The following GPC5 variants were observed in gnomAD, a reference collection of about 807,000 sequenced individuals.
GPC5 encodes glypican-5.
A neutral mutation model predicts 53.9 loss-of-function variants in GPC5; 47 were observed. That is an observed-to-expected ratio of 0.87 (90% confidence interval 0.69 to 1.11). The LOEUF (loss-of-function observed/expected upper bound fraction) is 1.11, where lower values mean the gene tolerates loss of function less well. Among genes scored for constraint, GPC5 ranks in the 50% most tolerant of loss-of-function variants. The probability of loss-of-function intolerance (pLI) is 0.00; values close to 1 mark genes in which losing one functional copy is unlikely to be tolerated. For synonymous variants in GPC5, 286 were observed against 263.3 expected (o/e 1.09, Z -0.84); for missense variants, 748 against 713.1 (o/e 1.05, Z -0.56).
At chr13:92,602,164 A>G (rs558426338) in intron 7 of GPC5, among the ~76,000 whole-genome samples, 59 of 145,230 alleles carry the variant, frequency 4.1e-4, no homozygotes, top group African/African-American at 1.5e-3. Context: ...CACACTATAT[A>G]CAAATACACA....
At chr13:91,617,569 GACTCTTGACAAGCA>G (rs2033731942) in intron 2 of GPC5, among the ~76,000 whole-genome samples, 1 of 152,098 alleles carries the variant, frequency 6.6e-6, no homozygotes, top group Non-Finnish European at 1.5e-5. Flanking sequence ...TTCTCTAAAA[GACTCTTGACAAGCA>G]ACTCTTTGAT....
intron 4 of GPC5, among the ~76,000 whole-genome samples, chr13:91,735,896 A>G (rs908416760): frequency 6.6e-6 from 1 of 151,392 alleles, no homozygotes; most frequent in Non-Finnish European, 1.5e-5. Context: ...ATCCACATCT[A>G]GGAAAAATGG....
rs907579977 is a variant in GPC5 at position 92,319,366 on chromosome 13, G to A, written c.1561+174377G>A. Among the ~76,000 whole-genome samples the A allele has an allele frequency of 3.3e-5, 5 of 149,896 alleles. No homozygotes were observed. In the East Asian group the frequency reaches 5.9e-4, roughly 18 times the overall value. On this transcript the variant is annotated intron_variant, in intron 7 of 7. Transcript: ENST00000377067. ...AACTGTGAGCTTTGTTACAATTTGG[G>A]GCCAATGTATTTTTTTTTCCCCATG...
chr13:92,742,749 A>G lies in GPC5; in HGVS notation c.1562-123533A>G, dbSNP rs377056861. Among the ~76,000 whole-genome samples, 54 of 152,122 alleles carry G rather than the reference A, an allele frequency of 3.5e-4. No individual in the cohort carries two copies. The East Asian group carries it at 8.4e-3, about 24-fold the overall frequency. On this transcript the variant is annotated intron_variant, in intron 7 of 7. Coordinates refer to ENST00000377067, the MANE Select transcript of GPC5 (RefSeq NM_004466.6). ...TTAAGTCTTTAATCCATCTTGAATT[A>G]ATTTTTGTATAAGGTGTAAGGAAGG...
intron 5 of GPC5, among the ~76,000 whole-genome samples, chr13:91,899,976 G>T (rs1314350676): frequency 2.0e-5 from 3 of 152,064 alleles, no homozygotes; most frequent in Non-Finnish European, 4.4e-5. Context: ...TAATTCAGAA[G>T]TTCTTCTTGG....
rs150637215 is a variant in GPC5, at chr13:92,275,541, T to G, written c.1561+130552T>G. Among the ~76,000 whole-genome samples, 881 of 152,250 alleles carry G rather than the reference T, an allele frequency of 5.8e-3. 8 individuals carry two copies. The highest frequency in any genetic ancestry group is 0.02 in the African/African-American group (826 of 41,538). On this transcript the variant is annotated intron_variant, in intron 7 of 7. Transcript: ENST00000377067. The stretch of plus-strand genomic sequence containing the variant: ...CAATAAGTCAGAATTGGGGAGTAAT[T>G]CTATAATAAAATAAAACACAATTAC...
chr13:91,634,027 G>T (rs1483610411), intron 2 of GPC5, among the ~76,000 whole-genome samples: 2 of 152,056 alleles, frequency 1.3e-5, no homozygotes, highest in East Asian at 3.9e-4. Flanking sequence ...CTCTCCATCT[G>T]CCTGACTCCT....
At chr13:92,199,719 G>A (rs1035386070) in intron 7 of GPC5, among the ~76,000 whole-genome samples, 6 of 152,070 alleles carry the variant, frequency 3.9e-5, no homozygotes, top group African/African-American at 1.2e-4. Context: ...TTCTGTCCAC[G>A]CAAGAGACTT....
intron 7 of GPC5, among the ~76,000 whole-genome samples, chr13:92,638,438 G>C (rs900073268): frequency 6.6e-6 from 1 of 152,146 alleles, no homozygotes; most frequent in African/African-American, 2.4e-5. Context: ...AGAGTGAGAA[G>C]ACAGTGAGCC....
intron 7 of GPC5, among the ~76,000 whole-genome samples, chr13:92,774,617 A>T (rs2138753457): frequency 6.6e-6 from 1 of 152,334 alleles, no homozygotes; most frequent in Middle Eastern, 3.4e-3. Context: ...ACTTTTCAGG[A>T]TACTGACTTC....
intron 2 of GPC5, among the ~76,000 whole-genome samples, chr13:91,622,666 C>T (rs1464457896): frequency 1.3e-5 from 2 of 152,228 alleles, no homozygotes; most frequent in African/African-American, 4.8e-5. Flanking sequence ...TGCGATCTTC[C>T]AGCAGCTGTG....
intron 7 of GPC5, among the ~76,000 whole-genome samples, chr13:92,740,062 T>A (rs1889044193): frequency 6.6e-6 from 1 of 151,946 alleles, no homozygotes; most frequent in African/African-American, 2.4e-5. Context: ...TAACCTTCCT[T>A]CCCTATCCTC....
chr13:92,254,915 G>T, intron 7 of GPC5, among the ~76,000 whole-genome samples: 1 of 152,028 alleles, frequency 6.6e-6, no homozygotes, highest in Non-Finnish European at 1.5e-5. Context: ...ATGAAATTTG[G>T]GTGGGGACAC....
intron 2 of GPC5, among the ~76,000 whole-genome samples, chr13:91,617,895 A>G (rs1250681322): frequency 6.6e-6 from 1 of 152,146 alleles, no homozygotes; most frequent in African/African-American, 2.4e-5. Flanking sequence ...CATAGACAAT[A>G]TATAACAAAT....
At chr13:91,606,532 AC>A (rs2033373778) in intron 2 of GPC5, among the ~76,000 whole-genome samples, 1 of 149,296 alleles carries the variant, frequency 6.7e-6, no homozygotes, top group Non-Finnish European at 1.5e-5. Flanking sequence ...AAGGAATGGT[AC>A]CAGTTCCTCC....
At chr13:92,664,025 T>TTGCG (rs905451344) in intron 7 of GPC5, among the ~76,000 whole-genome samples, 5 of 150,848 alleles carry the variant, frequency 3.3e-5, no homozygotes, top group African/African-American at 1.2e-4. Context: ...TGAGCCGAGA[T>TTGCG]TGCGCCACTG....
At chr13:92,422,562 T>C (rs4545664) in intron 7 of GPC5, among the ~76,000 whole-genome samples, 45,599 of 149,608 alleles carry the variant, frequency 0.3, 8,028 homozygotes, top group East Asian at 0.61. Context: ...ATTCCCCCAT[T>C]GTAGTCATGA....
chr13:92,344,223 G>C (rs2139253897), intron 7 of GPC5, among the ~76,000 whole-genome samples: 1 of 152,170 alleles, frequency 6.6e-6, no homozygotes, highest in South Asian at 2.1e-4. Context: ...CACATGGCAG[G>C]AGGAAGGAGA....
intron 7 of GPC5, among the ~76,000 whole-genome samples, chr13:92,180,283 T>C (rs1000866983): frequency 1.3e-5 from 2 of 152,202 alleles, no homozygotes; most frequent in Non-Finnish European, 2.9e-5. Flanking sequence ...AATTGTTGGG[T>C]TTCTGCACAA....
Sources: allele counts gnomAD v4.1 joint callset (sites outside exome capture counted in the v4.1 genomes callset), GRCh38; gene constraint gnomAD v4.1.1; transcripts MANE v1.5; gene names NCBI Gene and HGNC (gene_info 2026-07-23, HGNC 2026-07-21).